The following KIRREL3 variants were observed in gnomAD, a reference collection of about 807,000 sequenced individuals.
KIRREL3 encodes the protein kin of IRRE-like protein 3.
A neutral mutation model predicts 89.7 loss-of-function variants in KIRREL3; 36 were observed. That is an observed-to-expected ratio of 0.40 (90% CI 0.31 to 0.53). The LOEUF (loss-of-function observed/expected upper bound fraction) is 0.53. Ranked by LOEUF, KIRREL3 falls within the 20% of genes least tolerant of loss-of-function variation. KIRREL3 has a pLI of 0.49. For missense variants in KIRREL3, 864 were observed against 1,056.6 expected (o/e 0.82, Z 2.53); for synonymous variants, 445 against 441.4 (o/e 1.01, Z -0.10).
At position 126,441,589 on chromosome 11, in the gene KIRREL3, A is replaced by C. The variant is rs940707978; in HGVS notation, c.1253-1040T>G. Among the ~76,000 whole-genome samples, 2 of 152,258 alleles carry C rather than the reference A, an allele frequency of 1.3e-5. No homozygotes were observed. Among genetic ancestry groups the C allele is most frequent in the Admixed American group, 6.5e-5 (1 of 15,288 alleles). ...AGTTGGGACTTAGATGGCAGATACC[A>C]GAGGAAAGACAGCCGGGAGCAACGC... On this transcript the variant is annotated intron_variant, in intron 10 of 16. Coordinates refer to ENST00000525144, the MANE Select transcript of KIRREL3 (RefSeq NM_032531.4). This position sits in a 1 kb window ranked among gnomAD's most constrained non-coding sequence, Gnocchi z 5.0.
At chr11:126,726,937 C>G (rs542971386) in intron 1 of KIRREL3, among the ~76,000 whole-genome samples, 6 of 152,338 alleles carry the variant, frequency 3.9e-5, no homozygotes, top group African/African-American at 1.2e-4. Flanking sequence ...CTACCTCTCA[C>G]TCACTCACAC....
chr11:126,722,275 G>T (rs1948205103), intron 1 of KIRREL3, among the ~76,000 whole-genome samples: 1 of 152,190 alleles, frequency 6.6e-6, no homozygotes, highest in Admixed American at 6.5e-5. Flanking sequence ...CTTCCCAAAA[G>T]GCCCTTCTCC....
chr11:126,864,595 A>C (rs1345934380), intron 1 of KIRREL3, among the ~76,000 whole-genome samples: 2 of 152,228 alleles, frequency 1.3e-5, no homozygotes, highest in Non-Finnish European at 2.9e-5. Flanking sequence ...CACAGACTCC[A>C]GTCTGAATTA....
At chr11:126,798,455 A>C (rs1197093247) in intron 1 of KIRREL3, among the ~76,000 whole-genome samples, 2 of 152,250 alleles carry the variant, frequency 1.3e-5, no homozygotes, top group Non-Finnish European at 2.9e-5. Context: ...TTAGGTAAAC[A>C]CATTTTGGAA....
At position 126,590,924 on chromosome 11, in the gene KIRREL3, T is replaced by G. The variant is rs186288069; in HGVS notation, c.56-28012A>C. Among the ~76,000 whole-genome samples, 10 of 152,346 alleles carry G rather than the reference T, an allele frequency of 6.6e-5. No individual in the cohort carries two copies. In the East Asian group the frequency reaches 1.7e-3, roughly 26 times the overall value. ...TCACCCATTCTCTTGAGGATTTGCC[T>G]TATTAGAAAGTGATCTGGCTGGGTG... is the stretch of plus-strand genomic sequence containing the variant. On this transcript the variant is annotated intron_variant, in intron 1 of 16. Transcript: ENST00000525144.
intron 1 of KIRREL3, among the ~76,000 whole-genome samples, chr11:126,919,819 T>C (rs535949736): frequency 6.6e-6 from 1 of 152,272 alleles, no homozygotes; most frequent in East Asian, 1.9e-4. Context: ...ACAGACAGGA[T>C]TTGCTGGAGC....
intron 2 of KIRREL3, among the ~76,000 whole-genome samples, chr11:126,532,025 G>T (rs1028814454): frequency 1.3e-5 from 2 of 152,194 alleles, no homozygotes; most frequent in Non-Finnish European, 2.9e-5. Flanking sequence ...GTGGGCTGGA[G>T]TCTCTAGGAA....
chr11:126,703,782 G>T lies in KIRREL3; in HGVS notation c.56-140870C>A, dbSNP rs189790190. 3.3e-5 allele frequency among the ~76,000 whole-genome samples: 5 copies of T among 152,330 alleles called. No homozygotes were observed. Among genetic ancestry groups the T allele is most frequent in the Admixed American group, 3.3e-4 (5 of 15,304 alleles). On this transcript the variant is annotated intron_variant, in intron 1 of 16. Coordinates refer to ENST00000525144, the MANE Select transcript of KIRREL3 (RefSeq NM_032531.4). The surrounding 1 kb of genome is among the most constrained non-coding windows in gnomAD (Gnocchi z 4.6). ...CAGAGGGCAGGAAAGAGAATGGGGA[G>T]CCCTTGCAGAATGTGGTTGGATCCT... is the stretch of plus-strand genomic sequence containing the variant.
chr11:126,734,833 C>T lies in KIRREL3; in HGVS notation c.56-171921G>A, dbSNP rs1012486613. Among the ~76,000 whole-genome samples, 3 of 152,038 alleles carry T rather than the reference C, an allele frequency of 2.0e-5. No individual in the cohort carries two copies. Among genetic ancestry groups the T allele is most frequent in the South Asian group, 2.1e-4 (1 of 4,808 alleles). Reference sequence around the variant, plus strand: ...TTTCGTTGGAGGGGTACTTTCTGAACGATTCTTGAAGAATGAATGGGAGTT... The same window carrying T: ...TTTCGTTGGAGGGGTACTTTCTGAATGATTCTTGAAGAATGAATGGGAGTT... On this transcript the variant is annotated intron_variant, in intron 1 of 16. Coordinates refer to ENST00000525144, the MANE Select transcript of KIRREL3 (RefSeq NM_032531.4). The surrounding 1 kb of genome is among the most constrained non-coding windows in gnomAD (Gnocchi z 5.9).
chr11:126,815,220 A>G (rs1372472128), intron 1 of KIRREL3, among the ~76,000 whole-genome samples: 1 of 152,216 alleles, frequency 6.6e-6, no homozygotes, highest in Non-Finnish European at 1.5e-5. Flanking sequence ...AACCTTTAGC[A>G]CACGATATTT....
chr11:126,489,395 T>C lies in KIRREL3; in HGVS notation c.434-15929A>G, dbSNP rs1957450914. ...AGAGACGCCTGCATCAGGTGGGAGT[T>C]AGGTGGGGAAAACAAAGCTTCCAGA... On this transcript the variant is annotated intron_variant, in intron 4 of 16. Transcript: ENST00000525144. The surrounding 1 kb of genome is among the most constrained non-coding windows in gnomAD (Gnocchi z 5.5). 6.6e-6 allele frequency among the ~76,000 whole-genome samples: 1 copy of C among 151,920 alleles called. No individual in the cohort carries two copies. Among genetic ancestry groups the C allele is most frequent in the South Asian group, 2.1e-4 (1 of 4,816 alleles).
intron 4 of KIRREL3, among the ~76,000 whole-genome samples, chr11:126,499,291 A>T (rs946160983): frequency 1.3e-5 from 2 of 152,136 alleles, no homozygotes; most frequent in Non-Finnish European, 2.9e-5. Flanking sequence ...TCTCCGCCCC[A>T]CTTTAGTGCC....
rs1943329375 is a variant in KIRREL3, at chr11:126,615,971, T to C, written c.56-53059A>G. Among the ~76,000 whole-genome samples the C allele has an allele frequency of 6.6e-6, 1 of 151,736 alleles. No homozygotes were observed. The highest frequency in any genetic ancestry group is 1.5e-5 in the Non-Finnish European group (1 of 67,926). Reference sequence around the variant, plus strand: ...GAGCCCTGGGTGTGTGTGTGTGGGGTGCGTGGGTGGGGAGATGCATGACTG... The same window carrying C: ...GAGCCCTGGGTGTGTGTGTGTGGGGCGCGTGGGTGGGGAGATGCATGACTG... On this transcript the variant is annotated intron_variant, in intron 1 of 16. Transcript: ENST00000525144. The surrounding 1 kb of genome is among the most constrained non-coding windows in gnomAD (Gnocchi z 5.4).
intron 1 of KIRREL3, among the ~76,000 whole-genome samples, chr11:126,648,392 T>C (rs1039154451): frequency 2.6e-5 from 4 of 152,228 alleles, no homozygotes; most frequent in Non-Finnish European, 5.9e-5. Context: ...TCCCTCTGCC[T>C]GGGATGTCCT....
At position 126,477,992 on chromosome 11, in the gene KIRREL3, C is replaced by T. The variant is rs1448781941; in HGVS notation, c.434-4526G>A. On this transcript the variant is annotated intron_variant, in intron 4 of 16. Transcript: ENST00000525144. The surrounding 1 kb of genome is among the most constrained non-coding windows in gnomAD (Gnocchi z 4.8). ...GGTCTATCACCAACACCAAACCCTC[C>T]AGGGGCTTCCCGCTGAAGGAGAGTA... 6.6e-6 allele frequency among the ~76,000 whole-genome samples: 1 copy of T among 152,228 alleles called. No individual in the cohort carries two copies. The highest frequency in any genetic ancestry group is 1.5e-5 in the Non-Finnish European group (1 of 68,034).
At chr11:126,590,252 C>A (rs1179382656) in intron 1 of KIRREL3, among the ~76,000 whole-genome samples, 1 of 140,034 alleles carries the variant, frequency 7.1e-6, no homozygotes, top group Non-Finnish European at 1.5e-5. Flanking sequence ...CCAGATGTAG[C>A]CTGATCAAGC....
At position 126,995,260 on chromosome 11, in the gene KIRREL3, C is replaced by T. The variant is rs1202404942; in HGVS notation, c.55+5195G>A. ...CTGGCCTCGAGGCAAGACAAGAGCT[C>T]CAATCACTCTGCTGCAAGCGCCACC... On this transcript the variant is annotated intron_variant, in intron 1 of 16. Coordinates refer to ENST00000525144, the MANE Select transcript of KIRREL3 (RefSeq NM_032531.4). The surrounding 1 kb of genome is among the most constrained non-coding windows in gnomAD (Gnocchi z 6.5). 12 of 456,042 alleles carry T rather than the reference C, an allele frequency of 2.6e-5. No individual in the cohort carries two copies. The highest frequency in any genetic ancestry group is 1.5e-4 in the South Asian group (10 of 64,558). The allele number at this position is 456,042 out of a possible 1,614,324, so 28.2% of individuals were successfully genotyped here.
Position 126,714,112 on chromosome 11 carries a change from C to T in KIRREL3, c.56-151200G>A, listed in dbSNP as rs1208965439. ...GGTGCAATACTGAAGAAGACCCTCA[C>T]TCCCAGGCTGGTGCACAAGCCACAG... On this transcript the variant is annotated intron_variant, in intron 1 of 16. Coordinates refer to ENST00000525144, the MANE Select transcript of KIRREL3 (RefSeq NM_032531.4). Among the ~76,000 whole-genome samples the T allele has an allele frequency of 2.6e-5, 4 of 152,158 alleles. No homozygotes were observed. The East Asian group carries it at 7.7e-4, about 29-fold the overall frequency.
In KIRREL3 at chr11:126,734,665, G is replaced by GAA. The variant is rs368020107; in HGVS notation, c.56-171755_56-171754dup. Among the ~76,000 whole-genome samples, 1 of 137,990 alleles carries GAA rather than the reference G, an allele frequency of 7.2e-6. No individual in the cohort carries two copies. The highest frequency in any genetic ancestry group is 2.7e-5 in the African/African-American group (1 of 37,690). 90.5% of individuals were successfully genotyped at this position (137,990 alleles called of 152,430 possible). ...ACAAGAGTGAAACTCTGTCTCAAAA[G>GAA]AAAAAAAAAAAGAAATTTAGTATTC... is the stretch of plus-strand genomic sequence containing the variant. On this transcript the variant is annotated intron_variant, in intron 1 of 16. Transcript: ENST00000525144. The surrounding 1 kb of genome is among the most constrained non-coding windows in gnomAD (Gnocchi z 5.9).
Sources: allele counts gnomAD v4.1 joint callset (sites outside exome capture counted in the v4.1 genomes callset), GRCh38; gene constraint gnomAD v4.1.1; non-coding constraint Gnocchi (gnomAD v3.1); transcripts MANE v1.5; gene names NCBI Gene and HGNC (gene_info 2026-07-23, HGNC 2026-07-21).